TMC1: variants seen among roughly 807,000 people sequenced by gnomAD.
The protein encoded by TMC1 is transmembrane channel like 1.
A neutral mutation model predicts 105.8 loss-of-function variants in TMC1; 84 were observed. The observed-to-expected ratio is 0.79, with a 90% confidence interval of 0.67 to 0.95. TMC1 has a LOEUF of 0.95. TMC1 is among the 40% of genes least tolerant of loss of function. TMC1 has a pLI of 0.00. For missense variants in TMC1, 817 were observed against 914.1 expected (o/e 0.89, Z 1.37); for synonymous variants, 315 against 311.5 (o/e 1.01, Z -0.12).
At chr9:72,619,194 G>A (rs1451308615) in intron 3 of TMC1, among the ~76,000 whole-genome samples, 1 of 152,088 alleles carries the variant, frequency 6.6e-6, no homozygotes, top group Admixed American at 6.6e-5. Context: ...TCCAGAAATG[G>A]AATAATGTGA....
At chr9:72,620,367 G>A (rs1182390984) in intron 3 of TMC1, among the ~76,000 whole-genome samples, 2 of 151,886 alleles carry the variant, frequency 1.3e-5, no homozygotes, top group African/African-American at 4.8e-5. Context: ...TCAGCCTCCT[G>A]AGTAGCCGGG....
chr9:72,538,049 G>A (rs1359848208), intron 1 of TMC1, among the ~76,000 whole-genome samples: 6 of 151,810 alleles, frequency 4.0e-5, no homozygotes, highest in Non-Finnish European at 8.8e-5. Context: ...CTTGCTACTC[G>A]AGAGACTGGG....
At chr9:72,766,693 A>G (rs942740829) in intron 12 of TMC1, among the ~76,000 whole-genome samples, 28 of 152,112 alleles carry the variant, frequency 1.8e-4, no homozygotes, top group African/African-American at 6.5e-4. Flanking sequence ...AGGGGCAGAG[A>G]TCACTGTCTA....
chr9:72,536,515 G>A (rs1823588512), intron 1 of TMC1, among the ~76,000 whole-genome samples: 1 of 152,164 alleles, frequency 6.6e-6, no homozygotes, highest in African/African-American at 2.4e-5. Flanking sequence ...TGTATTTTTA[G>A]TAGAGACGGG....
At chr9:72,658,500 CTT>C (rs1306230761) in intron 5 of TMC1, among the ~76,000 whole-genome samples, 7 of 152,156 alleles carry the variant, frequency 4.6e-5, no homozygotes, top group Non-Finnish European at 1.0e-4. Flanking sequence ...TCTTTTAACT[CTT>C]TTCTTCCTTC....
rs377091685 is a variant in TMC1 at position 72,816,129 on chromosome 9, T to C, written c.1696-14T>C. 126 of 1,612,320 alleles carry C rather than the reference T, an allele frequency of 7.8e-5. 1 individual carries two copies. The African/African-American group carries it at 1.6e-3, about 20-fold the overall frequency. ...TGTGAGACGCTAATCCAATGAACAT[T>C]GTGTCTCCTCTAGCCTTCATACACC... On this transcript the variant is annotated splice_polypyrimidine_tract_variant and intron_variant, in intron 18 of 23. Coordinates refer to ENST00000297784, the MANE Select transcript of TMC1 (RefSeq NM_138691.3).
intron 15 of TMC1, 109 bp from the exon 16 acceptor site, chr9:72,791,777 C>T: frequency 1.1e-6 from 1 of 916,076 alleles, no homozygotes; most frequent in Middle Eastern, 3.3e-4. Context: ...CATTTTTAGT[C>T]TTAAAAAAGA....
chr9:72,720,630 G>A (rs1057085642), intron 8 of TMC1, among the ~76,000 whole-genome samples: 22 of 152,210 alleles, frequency 1.4e-4, no homozygotes, highest in Non-Finnish European at 2.5e-4. Context: ...GCAGTAGCTT[G>A]TGATTAGCCT....
intron 9 of TMC1, 67 bp downstream of exon 9, chr9:72,740,276 A>G: frequency 1.5e-6 from 2 of 1,355,008 alleles, no homozygotes; most frequent in South Asian, 2.4e-5. Flanking sequence ...GTTCTTTTCT[A>G]AAGGGGTGAA....
chr9:72,684,675 C>CT (rs1365104089), intron 5 of TMC1, among the ~76,000 whole-genome samples: 1 of 152,130 alleles, frequency 6.6e-6, no homozygotes, highest in Non-Finnish European at 1.5e-5. Context: ...TAATGTCATG[C>CT]TTGGATGTCT....
intron 1 of TMC1, among the ~76,000 whole-genome samples, chr9:72,531,716 G>A (rs1823499422): frequency 6.6e-6 from 1 of 152,142 alleles, no homozygotes; most frequent in African/African-American, 2.4e-5. Context: ...CCAGTCCAAA[G>A]TGAAGAATAA....
At chr9:72,652,389 A>G (rs1033022446) in intron 5 of TMC1, among the ~76,000 whole-genome samples, 15 of 152,176 alleles carry the variant, frequency 9.9e-5, no homozygotes, top group African/African-American at 3.1e-4. Flanking sequence ...TAGGGAAAGC[A>G]TATAGAATGA....
At position 72,792,238 on chromosome 9, in the gene TMC1, C is replaced by T. The variant is rs1828283921; in HGVS notation, c.1452C>T (p.Ala484=). Residue 484 remains alanine, a synonymous_variant, in exon 17 of 24, where the codon GCC becomes GCT. Transcript: ENST00000297784. ...LVKANITLWE[A]NMIKAYNASF... ...AGGCCAATATTACCCTTTGGGAAGC[C>T]AATATGATCAAGGCCTACAATGCAT... 1 of 1,614,066 alleles carries T rather than the reference C, an allele frequency of 6.2e-7. No homozygotes were observed. Among genetic ancestry groups the T allele is most frequent in the Non-Finnish European group, 8.5e-7 (1 of 1,180,004 alleles).
chr9:72,640,632 G>T (rs1468143334), intron 4 of TMC1, among the ~76,000 whole-genome samples: 7 of 141,340 alleles, frequency 5.0e-5, no homozygotes, highest in African/African-American at 1.9e-4. Flanking sequence ...TTTGTTTTTT[G>T]TTTTTTGTTT....
chr9:72,803,181 G>T (rs993420982), intron 17 of TMC1, among the ~76,000 whole-genome samples: 14 of 152,136 alleles, frequency 9.2e-5, no homozygotes, highest in Admixed American at 9.2e-4. Context: ...GCTAGCCTAT[G>T]CAGAAAATTG....
intron 4 of TMC1, among the ~76,000 whole-genome samples, chr9:72,640,807 A>G (rs1229893632): frequency 6.6e-6 from 1 of 151,544 alleles, no homozygotes; most frequent in African/African-American, 2.4e-5. Context: ...AATTTTTTGT[A>G]TTTTTAGTAG....
chr9:72,619,940 T>G (rs573811834), intron 3 of TMC1, among the ~76,000 whole-genome samples: 1 of 152,184 alleles, frequency 6.6e-6, no homozygotes, highest in Non-Finnish European at 1.5e-5. Context: ...GTTCAAGTGA[T>G]TCTCCTGCCT....
intron 7 of TMC1, among the ~76,000 whole-genome samples, chr9:72,696,429 G>A (rs994910489): frequency 2.0e-5 from 3 of 152,114 alleles, no homozygotes; most frequent in African/African-American, 7.2e-5. Context: ...ATTATTGATA[G>A]TTCTGTTCTC....
chr9:72,831,164 A>G (rs1444549787), intron 23 of TMC1, among the ~76,000 whole-genome samples: 1 of 152,156 alleles, frequency 6.6e-6, no homozygotes, highest in African/African-American at 2.4e-5. Context: ...TATTTTTTAA[A>G]GTATTAGAGT....
Sources: gnomAD v4.1 joint callset for allele counts (sites outside exome capture counted in the v4.1 genomes callset) on GRCh38, gnomAD v4.1.1 for gene constraint, MANE v1.5 for transcripts, NCBI Gene and HGNC (gene_info 2026-07-23, HGNC 2026-07-21) for gene names.